The following DIP2C variants were observed in gnomAD, a reference collection of about 807,000 sequenced individuals.
DIP2C encodes disco-interacting protein 2 homolog C.
DIP2C carries 33 observed loss-of-function variants against 192.4 expected under a neutral mutation model. That is an observed-to-expected ratio of 0.17 (90% CI 0.13 to 0.23). The LOEUF (loss-of-function observed/expected upper bound fraction) is 0.23, where lower values mean the gene tolerates loss of function less well. Ranked by LOEUF, DIP2C falls within the 10% of genes least tolerant of loss-of-function variation. The probability of loss-of-function intolerance (pLI) is 1.00; values close to 1 mark genes in which losing one functional copy is unlikely to be tolerated. For missense variants in DIP2C, 1,537 were observed against 2,110.1 expected (o/e 0.73, Z 5.32); for synonymous variants, 979 against 864.1 (o/e 1.13, Z -2.33).
At chr10:590,548 A>G (rs375891467) in intron 1 of DIP2C, among the ~76,000 whole-genome samples, 1 of 152,218 alleles carries the variant, frequency 6.6e-6, no homozygotes, top group Non-Finnish European at 1.5e-5. Context: ...TGCAGGTGCC[A>G]GCTTTGACTC....
At chr10:279,161 A>G in intron 36 of DIP2C, among the ~76,000 whole-genome samples, 1 of 152,228 alleles carries the variant, frequency 6.6e-6, no homozygotes, top group East Asian at 1.9e-4. Context: ...CCTATGGAGC[A>G]TGCTAAGAGC....
chr10:346,230 ATATCGCGTATAGTTCTCCTGGAAACGT>A (rs1958443326), intron 26 of DIP2C, among the ~76,000 whole-genome samples: 1 of 4,098 alleles, frequency 2.4e-4, no homozygotes, highest in African/African-American at 6.1e-4. Flanking sequence ...CAACCCAGAC[ATATCGCGTATAGTTCTCCTGGAAACGT>A]CACACACACC....
intron 31 of DIP2C, among the ~76,000 whole-genome samples, chr10:314,195 G>A (rs1410945369): frequency 6.6e-6 from 1 of 152,216 alleles, no homozygotes; most frequent in Non-Finnish European, 1.5e-5. Flanking sequence ...CTGTGGAAAT[G>A]TTACCGGCTT....
chr10:303,895 C>T (rs1956184449), intron 32 of DIP2C, among the ~76,000 whole-genome samples: 1 of 152,048 alleles, frequency 6.6e-6, no homozygotes, highest in African/African-American at 2.4e-5. Context: ...TCTGGGCCTC[C>T]ACGGGGTCAG....
chr10:287,669 G>GA (rs34102226), intron 33 of DIP2C, among the ~76,000 whole-genome samples: 27,580 of 123,892 alleles, frequency 0.22, 3,069 homozygotes, highest in South Asian at 0.31. Context: ...GGCCGAAACG[G>GA]AAAAAAAAAA....
chr10:294,117 C>T (rs764093838), intron 32 of DIP2C, among the ~76,000 whole-genome samples: 2 of 152,180 alleles, frequency 1.3e-5, no homozygotes, highest in African/African-American at 2.4e-5. Flanking sequence ...TTCTCTCCCT[C>T]GGGTGGAAGA....
In DIP2C at chr10:323,367, GC is replaced by G. The variant is rs1176302724; in HGVS notation, c.3924+3638del. ...TGCGGGGCTCCAGCGAGAGACCGGC[GC>G]TGTTAGAACAGTCAGTCGGGGGTGC... On this transcript the variant is annotated intron_variant, in intron 31 of 36. Transcript: ENST00000280886. 1.1e-3 allele frequency among the ~76,000 whole-genome samples: 123 copies of G among 116,984 alleles called. 17 individuals carry two copies. Among genetic ancestry groups the G allele is most frequent in the African/African-American group, 3.9e-3 (114 of 29,548 alleles). The allele number at this position is 116,984 out of a possible 152,430, so 76.7% of individuals were successfully genotyped here. A position where few individuals can be genotyped will look rare whatever the true frequency, so the allele number is the denominator to read the frequency against.
At chr10:661,863 TCTC>T (rs1588711490) in intron 1 of DIP2C, among the ~76,000 whole-genome samples, 1 of 152,138 alleles carries the variant, frequency 6.6e-6, no homozygotes, top group African/African-American at 2.4e-5. Flanking sequence ...CACACTTGCT[TCTC>T]CTCCTGATTT....
chr10:582,178 C>G (rs1850710515), intron 1 of DIP2C, among the ~76,000 whole-genome samples: 1 of 152,220 alleles, frequency 6.6e-6, no homozygotes, highest in African/African-American at 2.4e-5. Flanking sequence ...CGGTTCCTAA[C>G]AGACCGTGGA....
chr10:318,910 CTTT>C (rs36067497), intron 31 of DIP2C, among the ~76,000 whole-genome samples: 5 of 146,758 alleles, frequency 3.4e-5, no homozygotes, highest in African/African-American at 2.5e-5. Context: ...CCACATTTTT[CTTT>C]TTTTTTTTTA....
chr10:470,224 G>A (rs189651933), intron 3 of DIP2C, among the ~76,000 whole-genome samples: 5 of 152,314 alleles, frequency 3.3e-5, no homozygotes, highest in East Asian at 3.9e-4. Flanking sequence ...TTATAATGGC[G>A]ATGGAGACAT....
At chr10:650,657 G>T in intron 1 of DIP2C, 1 of 618,704 alleles carries the variant, frequency 1.6e-6, no homozygotes. Context: ...CCATTCCACA[G>T]CACGTGAGCT....
intron 1 of DIP2C, among the ~76,000 whole-genome samples, chr10:671,781 G>A (rs1367189413): frequency 1.0e-4 from 9 of 90,412 alleles, no homozygotes; most frequent in Middle Eastern, 0.011. Context: ...CGCCACAGAC[G>A]CACGGACGGA....
intron 17 of DIP2C, among the ~76,000 whole-genome samples, chr10:373,047 T>G (rs1171118450): frequency 1.3e-5 from 2 of 152,220 alleles, no homozygotes; most frequent in African/African-American, 4.8e-5. Flanking sequence ...CACTTTCAGA[T>G]GAGAAGATTC....
chr10:544,450 T>C (rs1272725338), intron 1 of DIP2C, among the ~76,000 whole-genome samples: 1 of 152,270 alleles, frequency 6.6e-6, no homozygotes, highest in African/African-American at 2.4e-5. Flanking sequence ...GGCATATGCC[T>C]GGGAGTGAAA....
At chr10:470,744 G>A (rs1402776394) in intron 3 of DIP2C, among the ~76,000 whole-genome samples, 2 of 152,190 alleles carry the variant, frequency 1.3e-5, no homozygotes, top group Admixed American at 6.5e-5. Flanking sequence ...TAAGATGGCC[G>A]GCCAAAGATG....
chr10:463,607 C>T (rs988276183), intron 3 of DIP2C, among the ~76,000 whole-genome samples: 1 of 152,158 alleles, frequency 6.6e-6, no homozygotes, highest in Non-Finnish European at 1.5e-5. Flanking sequence ...CATCGAGCTA[C>T]CATTGACTTT....
At chr10:430,974 T>C (rs999183032) in intron 4 of DIP2C, among the ~76,000 whole-genome samples, 2 of 152,230 alleles carry the variant, frequency 1.3e-5, no homozygotes, top group Admixed American at 1.3e-4. Context: ...TTAAAAATAT[T>C]GTGTTTGCTG....
chr10:344,526 C>T (rs966525125), intron 28 of DIP2C, among the ~76,000 whole-genome samples: 6 of 152,122 alleles, frequency 3.9e-5, no homozygotes, highest in African/African-American at 1.2e-4. Context: ...ACAGAGCGTT[C>T]GGATTTGAGA....
Sources: gnomAD v4.1 joint callset for allele counts (sites outside exome capture counted in the v4.1 genomes callset) on GRCh38, gnomAD v4.1.1 for gene constraint, MANE v1.5 for transcripts, NCBI Gene and HGNC (gene_info 2026-07-23, HGNC 2026-07-21) for gene names.